The following ATAD1 variants were observed in gnomAD, a reference collection of about 807,000 sequenced individuals.
The protein encoded by ATAD1 is ATPase family AAA domain containing 1.
In ATAD1, 18 loss-of-function variants were observed where a neutral mutation model predicts 42.7. The observed-to-expected ratio is 0.42, with a 90% CI of 0.29 to 0.63. ATAD1 has a LOEUF of 0.63. Ranked by LOEUF, ATAD1 falls within the 20% of genes least tolerant of loss-of-function variation. The pLI is 0.19. For synonymous variants in ATAD1, 132 were observed against 143.1 expected (o/e 0.92, Z 0.55); for missense variants, 294 against 440.4 (o/e 0.67, Z 2.98).
intron 2 of ATAD1, among the ~76,000 whole-genome samples, chr10:87,800,309 T>C (rs1856626661): frequency 6.6e-6 from 1 of 152,138 alleles, no homozygotes; most frequent in South Asian, 2.1e-4. Context: ...CAACTTTTAT[T>C]GCATCTCACT....
rs778026120 is a variant in ATAD1, at chr10:87,756,912, T to G, written c.842A>C (p.His281Pro). ...CTGGGCAACTTCTAGCAGGTCTACA[T>G]GCCTATCCACCTTAAACAAATATAA... ...LILKNENVDRHVDLLEVAQET... is the reference protein window; with the variant it reads ...LILKNENVDRPVDLLEVAQET... The change falls in exon 9 of 10, where the codon CAT (histidine) becomes CCT (proline). Residue 281 changes from histidine to proline, a missense_variant. Physicochemically the swap from His to Pro is moderately conservative, Grantham distance 77 (BLOSUM62 -2). Around this residue, in one of 3 missense-constraint regions of ATAD1, gnomAD observed 142 missense variants for 174.6 expected, o/e 0.81. Coordinates refer to ENST00000680024, the MANE Select transcript of ATAD1 (RefSeq NM_001321967.2). 4.4e-6 allele frequency: 7 copies of G among 1,600,202 alleles called. No homozygotes were observed. Among genetic ancestry groups the G allele is most frequent in the Non-Finnish European group, 6.0e-6 (7 of 1,175,824 alleles).
At chr10:87,833,939 C>T (rs969662780) in intron 1 of ATAD1, among the ~76,000 whole-genome samples, 1 of 152,104 alleles carries the variant, frequency 6.6e-6, no homozygotes, top group African/African-American at 2.4e-5. Flanking sequence ...TGCTCTCGAA[C>T]TCCTGACCTC....
chr10:87,824,713 AC>A (rs1857693851), intron 1 of ATAD1, among the ~76,000 whole-genome samples: 1 of 152,058 alleles, frequency 6.6e-6, no homozygotes, highest in African/African-American at 2.4e-5. Flanking sequence ...TTGCATGAGG[AC>A]CTTACCTCTT....
chr10:87,826,162 G>A (rs201181890), intron 1 of ATAD1, among the ~76,000 whole-genome samples: 4 of 123,508 alleles, frequency 3.2e-5, no homozygotes, highest in Middle Eastern at 3.9e-3. Context: ...AGCAGCAGCA[G>A]CAACAACAAC....
chr10:87,818,939 A>AC (rs1857559585), upstream of ATAD1: 1 of 152,234 alleles, frequency 6.6e-6, no homozygotes, highest in South Asian at 2.1e-4. Flanking sequence ...AAGGGAGCAA[A>AC]CCTGAAAGCC....
At chr10:87,809,487 G>A (rs550375814) in intron 2 of ATAD1, among the ~76,000 whole-genome samples, 1 of 151,602 alleles carries the variant, frequency 6.6e-6, no homozygotes, top group East Asian at 1.9e-4. Context: ...GGTGAAGGTG[G>A]AAGGAGTGGC....
At chr10:87,777,921 A>T (rs956363967) in intron 5 of ATAD1, among the ~76,000 whole-genome samples, 2 of 152,152 alleles carry the variant, frequency 1.3e-5, no homozygotes, top group African/African-American at 4.8e-5. Flanking sequence ...CTGTCCTATC[A>T]TTGGACTATA....
intron 1 of ATAD1, among the ~76,000 whole-genome samples, chr10:87,830,015 G>C (rs576926887): frequency 1.3e-5 from 2 of 152,214 alleles, no homozygotes; most frequent in Admixed American, 1.3e-4. Flanking sequence ...TGAAAGGAAG[G>C]GTCAAATGTT....
At position 87,752,487 on chromosome 10, in the gene ATAD1, C is replaced by T. The variant is rs1854056811; in HGVS notation, c.*2200G>A. ...ACATGCATTATTTTATTATCCAACC[C>T]TTTAAGATGAGTGCCACTGTTGCCC... is the stretch of plus-strand genomic sequence containing the variant. On this transcript the variant is annotated 3_prime_UTR_variant, in exon 10 of 10. Coordinates refer to ENST00000680024, the MANE Select transcript of ATAD1 (RefSeq NM_001321967.2). The T allele has an allele frequency of 6.6e-6, 1 of 152,132 alleles. No homozygotes were observed. The highest frequency in any genetic ancestry group is 6.6e-5 in the Admixed American group (1 of 15,266). 9.4% of individuals were successfully genotyped at this position (152,132 alleles called of 1,614,324 possible). A position where few individuals can be genotyped will look rare whatever the true frequency, so the allele number is the denominator to read the frequency against.
At chr10:87,764,007 A>G (rs947886930) in intron 8 of ATAD1, among the ~76,000 whole-genome samples, 2 of 152,200 alleles carry the variant, frequency 1.3e-5, no homozygotes, top group African/African-American at 4.8e-5. Flanking sequence ...CAAGGGATAT[A>G]TAGTTCTACC....
chr10:87,788,341 CA>C (rs1855933497), intron 4 of ATAD1, among the ~76,000 whole-genome samples: 2 of 152,132 alleles, frequency 1.3e-5, no homozygotes, highest in Admixed American at 6.5e-5. Context: ...ATGGAACAAA[CA>C]AGGATGCATC....
chr10:87,760,382 G>T (rs1244068979), intron 8 of ATAD1, among the ~76,000 whole-genome samples: 3 of 152,120 alleles, frequency 2.0e-5, no homozygotes, highest in Non-Finnish European at 4.4e-5. Flanking sequence ...TCCCACTCCT[G>T]CTCTGCCATG....
intron 5 of ATAD1, among the ~76,000 whole-genome samples, chr10:87,778,745 CA>C (rs1855431498): frequency 6.6e-6 from 1 of 151,662 alleles, no homozygotes; most frequent in South Asian, 2.1e-4. Context: ...CAAACACAAA[CA>C]AAAAATTGGA....
At chr10:87,813,901 A>T (rs923294696) in intron 2 of ATAD1, among the ~76,000 whole-genome samples, 1 of 152,144 alleles carries the variant, frequency 6.6e-6, no homozygotes, top group Non-Finnish European at 1.5e-5. Context: ...TTATGTTTTG[A>T]TGACAAACAG....
intron 2 of ATAD1, among the ~76,000 whole-genome samples, chr10:87,796,333 CAA>C (rs1856386399): frequency 6.6e-6 from 1 of 152,156 alleles, no homozygotes; most frequent in Non-Finnish European, 1.5e-5. Flanking sequence ...CCATTCTATT[CAA>C]AGTCACCCCT....
At chr10:87,775,413 TCC>T (rs1370357640) in intron 6 of ATAD1, among the ~76,000 whole-genome samples, 1 of 84,464 alleles carries the variant, frequency 1.2e-5, no homozygotes, top group African/African-American at 5.0e-5. Context: ...AGAGCAAGAC[TCC>T]ATCTCAAAAA....
chr10:87,785,558 A>T (rs1424954206), intron 4 of ATAD1, among the ~76,000 whole-genome samples: 1 of 150,936 alleles, frequency 6.6e-6, no homozygotes, highest in East Asian at 1.9e-4. Context: ...TTCAAAGCTC[A>T]ACTTTTCCTA....
chr10:87,818,844 G>C (rs1296152098), upstream of ATAD1: 18 of 152,180 alleles, frequency 1.2e-4, 1 homozygote, highest in Admixed American at 1.2e-3. Flanking sequence ...AGGGCATCTG[G>C]TAACAGATTT....
At chr10:87,778,127 T>C (rs1037678853) in intron 5 of ATAD1, among the ~76,000 whole-genome samples, 2 of 149,112 alleles carry the variant, frequency 1.3e-5, no homozygotes, top group Non-Finnish European at 3.0e-5. Flanking sequence ...CATCATTAAA[T>C]TGTGAGTGGA....
Sources: allele counts gnomAD v4.1 joint callset (sites outside exome capture counted in the v4.1 genomes callset), GRCh38; gene constraint gnomAD v4.1.1; regional missense constraint gnomAD v4.1.1; transcripts MANE v1.5; gene names NCBI Gene and HGNC (gene_info 2026-07-23, HGNC 2026-07-21).